Variants in MAPK10 observed in about 807,000 individuals in gnomAD.
MAPK10 encodes JNK3 alpha protein kinase.
MAPK10 carries 25 observed loss-of-function variants against 59.3 expected under a neutral mutation model. The observed-to-expected ratio is 0.42, with a 90% CI of 0.31 to 0.59. The LOEUF (loss-of-function observed/expected upper bound fraction) is 0.59. Among genes scored for constraint, MAPK10 ranks in the 20% least tolerant of loss-of-function variants. The pLI, the probability that MAPK10 is intolerant of heterozygous loss-of-function variation, is 0.15. For synonymous variants in MAPK10, 190 were observed against 200.5 expected (o/e 0.95, Z 0.44); for missense variants, 351 against 568.9 (o/e 0.62, Z 3.90).
chr4:86,297,085 G>A (rs11931871), intron 2 of MAPK10, among the ~76,000 whole-genome samples: 10 of 152,016 alleles, frequency 6.6e-5, no homozygotes, highest in South Asian at 2.1e-4. Flanking sequence ...CAAATTCCTC[G>A]GTGAGGCTAG....
intron 11 of MAPK10, among the ~76,000 whole-genome samples, chr4:86,032,894 G>A (rs1408002347): frequency 6.6e-6 from 1 of 152,180 alleles, no homozygotes; most frequent in East Asian, 1.9e-4. Flanking sequence ...TGGGGCAGAA[G>A]GCTGTAAACC....
chr4:86,414,369 A>T (rs1745594610), intron 1 of MAPK10, among the ~76,000 whole-genome samples: 1 of 152,146 alleles, frequency 6.6e-6, no homozygotes, highest in African/African-American at 2.4e-5. Context: ...TTCATGGCTC[A>T]TTGGGGCACG....
intron 1 of MAPK10, among the ~76,000 whole-genome samples, chr4:86,460,646 T>G (rs1751649681): frequency 6.6e-6 from 1 of 152,180 alleles, no homozygotes; most frequent in South Asian, 2.1e-4. Flanking sequence ...GGCTGTCAGT[T>G]TACAGAATAA....
intron 2 of MAPK10, among the ~76,000 whole-genome samples, chr4:86,246,197 C>T (rs768781286): frequency 5.3e-5 from 8 of 152,130 alleles, no homozygotes; most frequent in Admixed American, 1.3e-4. Flanking sequence ...TTTGGGAGGC[C>T]GAGGTGGACA....
intron 3 of MAPK10, among the ~76,000 whole-genome samples, chr4:86,161,804 C>CT (rs1213574051): frequency 2.0e-5 from 3 of 152,034 alleles, no homozygotes; most frequent in Non-Finnish European, 4.4e-5. Flanking sequence ...TGGCAATGAA[C>CT]TTTGTGTTCC....
chr4:86,080,693 A>T (rs956733551), intron 9 of MAPK10: 2 of 152,028 alleles, frequency 1.3e-5, no homozygotes, highest in African/African-American at 4.8e-5. Flanking sequence ...AAATCATAAT[A>T]TTGTCAATTT....
intron 2 of MAPK10, among the ~76,000 whole-genome samples, chr4:86,290,606 A>G (rs1352977569): frequency 6.6e-6 from 1 of 152,216 alleles, no homozygotes; most frequent in Non-Finnish European, 1.5e-5. Context: ...AATTTAAAAT[A>G]CATAAACACA....
chr4:86,580,277 T>A (rs1283682613), intron 1 of MAPK10, among the ~76,000 whole-genome samples: 1 of 152,098 alleles, frequency 6.6e-6, no homozygotes, highest in Non-Finnish European at 1.5e-5. Flanking sequence ...GGTGAGTGGA[T>A]CACTTGAGGT....
At chr4:86,276,032 T>C (rs1284054711) in intron 2 of MAPK10, among the ~76,000 whole-genome samples, 1 of 152,132 alleles carries the variant, frequency 6.6e-6, no homozygotes, top group African/African-American at 2.4e-5. Context: ...TATTGTAACA[T>C]TGAAAACATA....
rs1413648806 is a variant in MAPK10 at position 86,056,661 on chromosome 4, C to G, written c.1110+7605G>C. Among the ~76,000 whole-genome samples, 4 of 149,854 alleles carry G rather than the reference C, an allele frequency of 2.7e-5. 1 individual carries two copies. The highest frequency in any genetic ancestry group is 6.6e-5 in the Admixed American group (1 of 15,110). ...AAATGTATTTGAGAGAATTAAAAGT[C>G]AGTGATAATAAGGAATGAGAATAAC... is the stretch of plus-strand genomic sequence containing the variant. On this transcript the variant is annotated intron_variant, in intron 11 of 13. Transcript: ENST00000641462.
chr4:86,548,117 C>G (rs1306005459), intron 1 of MAPK10, among the ~76,000 whole-genome samples: 1 of 152,160 alleles, frequency 6.6e-6, no homozygotes, highest in Non-Finnish European at 1.5e-5. Flanking sequence ...CTTGGGTCCA[C>G]ACTGCTTTTA....
chr4:86,219,534 A>G (rs1232089611), intron 2 of MAPK10, among the ~76,000 whole-genome samples: 1 of 152,208 alleles, frequency 6.6e-6, no homozygotes, highest in African/African-American at 2.4e-5. Context: ...CTTACTTGCA[A>G]TGGATATTTT....
At chr4:86,529,942 A>G (rs1757740486) in intron 1 of MAPK10, among the ~76,000 whole-genome samples, 1 of 152,104 alleles carries the variant, frequency 6.6e-6, no homozygotes, top group Non-Finnish European at 1.5e-5. Flanking sequence ...CACATCCACA[A>G]GTTTAGTTTT....
At chr4:86,063,475 A>G (rs958447558) in intron 11 of MAPK10, among the ~76,000 whole-genome samples, 6 of 152,132 alleles carry the variant, frequency 3.9e-5, no homozygotes, top group Non-Finnish European at 7.4e-5. Context: ...AGAAGGTAAC[A>G]TTCCTGATAG....
At chr4:86,199,801 G>T (rs2082210719) in intron 2 of MAPK10, among the ~76,000 whole-genome samples, 2 of 151,960 alleles carry the variant, frequency 1.3e-5, no homozygotes, top group South Asian at 4.1e-4. Flanking sequence ...TCAGTGTTCT[G>T]CTGGGCCTTG....
intron 4 of MAPK10, among the ~76,000 whole-genome samples, chr4:86,118,644 A>G (rs1023159311): frequency 9.9e-5 from 15 of 151,934 alleles, no homozygotes; most frequent in African/African-American, 3.1e-4. Flanking sequence ...TGTTCTCAAT[A>G]TATTTATCAG....
Position 86,120,859 on chromosome 4 carries a change from A to G in MAPK10, c.237-13507T>C, listed in dbSNP as rs551770950. Among the ~76,000 whole-genome samples the G allele has an allele frequency of 4.6e-5, 7 of 152,222 alleles. No individual in the cohort carries two copies. The East Asian group carries it at 1.4e-3, about 29-fold the overall frequency. ...GTAGTTAGACAGCCTTGCTACACTG[A>G]TTTTGCCATTTACTGTGTGGTATAA... On this transcript the variant is annotated intron_variant, in intron 4 of 13. Coordinates refer to ENST00000641462, the MANE Select transcript of MAPK10 (RefSeq NM_138982.4).
intron 2 of MAPK10, among the ~76,000 whole-genome samples, chr4:86,207,886 T>C (rs906900151): frequency 2.0e-5 from 3 of 149,040 alleles, no homozygotes; most frequent in African/African-American, 5.2e-5. Flanking sequence ...GTGATTTTTG[T>C]ACATTGATTT....
intron 3 of MAPK10, among the ~76,000 whole-genome samples, chr4:86,187,057 T>A (rs185235507): frequency 1.5e-4 from 23 of 152,262 alleles, no homozygotes; most frequent in African/African-American, 5.3e-4. Context: ...ATTATTATAG[T>A]GGGTTTAGAG....
Sources: gnomAD v4.1 joint callset for allele counts (sites outside exome capture counted in the v4.1 genomes callset) on GRCh38, gnomAD v4.1.1 for gene constraint, MANE v1.5 for transcripts, NCBI Gene and HGNC (gene_info 2026-07-23, HGNC 2026-07-21) for gene names.